Variants in RBM26 observed in about 807,000 individuals in gnomAD.
RBM26 encodes the protein RNA binding motif protein 26, also known as RNA-binding protein 26.
In RBM26, 30 loss-of-function variants were observed where a neutral mutation model predicts 123.6. The observed-to-expected ratio is 0.24, with a 90% CI of 0.18 to 0.33. The LOEUF is 0.33. Among genes scored for constraint, RBM26 ranks in the 10% least tolerant of loss-of-function variants. The pLI is 1.00. For missense variants in RBM26, 947 were observed against 1,203.6 expected (o/e 0.79, Z 3.15); for synonymous variants, 400 against 404.4 (o/e 0.99, Z 0.13).
intron 12 of RBM26, among the ~76,000 whole-genome samples, chr13:79,354,835 T>C (rs1446453644): frequency 6.6e-6 from 1 of 152,122 alleles, no homozygotes; most frequent in Non-Finnish European, 1.5e-5. Context: ...TATACCTCTA[T>C]AAACACTCTA....
At chr13:79,379,007 A>C in intron 1 of RBM26, 100 bp from the exon 2 acceptor site, 1 of 749,652 alleles carries the variant, frequency 1.3e-6, no homozygotes, top group Non-Finnish European at 2.2e-6. Flanking sequence ...TAAGTGAGTT[A>C]ATACATGTAA....
chr13:79,369,042 AAG>A (rs1566484724), intron 5 of RBM26, 52 bp from the exon 6 acceptor site: 1 of 1,182,352 alleles, frequency 8.5e-7, no homozygotes, highest in Non-Finnish European at 1.1e-6. Flanking sequence ...AAAAAAAAAA[AAG>A]TCCCAGATCT....
At chr13:79,359,789 AAT>A (rs59451742) in intron 9 of RBM26, 103 bp from the exon 10 acceptor site, 3,481 of 245,128 alleles carry the variant, frequency 0.014, 27 homozygotes, top group Non-Finnish European at 0.02. Context: ...CTTTTGTCTA[AAT>A]ATATATATAT....
chr13:79,317,663 T>G (rs2067275358), downstream of RBM26, among the ~76,000 whole-genome samples: 1 of 151,730 alleles, frequency 6.6e-6, no homozygotes, highest in Non-Finnish European at 1.5e-5. Context: ...CAACATTTAT[T>G]AGTCCAAAAT....
chr13:79,368,717 C>G lies in RBM26; in HGVS notation c.895+13G>C, dbSNP rs1566482262. ...ATTAATTAAATACTTTATCAAACAG[C>G]TGAAAGACTTACCATCATAGTCTCT... is the stretch of plus-strand genomic sequence containing the variant. On this transcript the variant is annotated intron_variant, in intron 6 of 21. Transcript: ENST00000438737. 2 of 1,608,712 alleles carry G rather than the reference C, an allele frequency of 1.2e-6. No homozygotes were observed. The highest frequency in any genetic ancestry group is 1.7e-6 in the Non-Finnish European group (2 of 1,176,158).
intron 6 of RBM26, among the ~76,000 whole-genome samples, chr13:79,367,204 C>T (rs534566346): frequency 2.3e-4 from 35 of 151,470 alleles, no homozygotes; most frequent in African/African-American, 8.0e-4. Flanking sequence ...GTCAGGAGTT[C>T]GAGACCAGCC....
At chr13:79,359,388 T>A (rs943328038) in intron 10 of RBM26, among the ~76,000 whole-genome samples, 187 bp downstream of exon 10, 3 of 152,214 alleles carry the variant, frequency 2.0e-5, no homozygotes, top group African/African-American at 7.2e-5. Flanking sequence ...ACACCATTTC[T>A]GTAAGAAAAT....
chr13:79,353,140 C>A lies in RBM26; in HGVS notation c.2058+13G>T. The A allele has an allele frequency of 6.5e-7, 1 of 1,540,614 alleles. No individual in the cohort carries two copies. On this transcript the variant is annotated intron_variant, in intron 14 of 21. Transcript: ENST00000438737. ...ATGAAGCCAAGACAAACACATCATGCTATTCTTCTTACCTTTTCAGTTGCT... is the reference window on the plus strand; with the variant it reads ...ATGAAGCCAAGACAAACACATCATGATATTCTTCTTACCTTTTCAGTTGCT...
Position 79,375,591 on chromosome 13 carries a change from C to T in RBM26, c.327+1788G>A, listed in dbSNP as rs558136563. Among the ~76,000 whole-genome samples, 14 of 152,150 alleles carry T rather than the reference C, an allele frequency of 9.2e-5. No homozygotes were observed. In the East Asian group the frequency reaches 1.9e-3, roughly 21 times the overall value. On this transcript the variant is annotated intron_variant, in intron 3 of 21. Transcript: ENST00000438737. ...AAGCAATTGCCAACACAATATACAC[C>T]GTCCCTTTCTTCCTAACAGAACCCT...
chr13:79,312,943 T>C (rs1200828896), exon 5 of RBM26: 1 of 151,950 alleles, frequency 6.6e-6, no homozygotes, highest in Non-Finnish European at 1.5e-5. Flanking sequence ...TTTTAAAGTA[T>C]GATTTATCTT....
chr13:79,371,709 C>G, intron 4 of RBM26, 133 bp downstream of exon 4: 1 of 635,954 alleles, frequency 1.6e-6, no homozygotes, highest in South Asian at 2.0e-5. Flanking sequence ...AGAAACGGAC[C>G]TAGTTATATT....
chr13:79,365,477 C>G, intron 9 of RBM26, 101 bp downstream of exon 9: 2 of 921,014 alleles, frequency 2.2e-6, no homozygotes, highest in Non-Finnish European at 3.4e-6. Flanking sequence ...ATCACCATTC[C>G]TTATCCAACC....
intron 17 of RBM26, 43 bp from the exon 18 acceptor site, chr13:79,341,270 T>G: frequency 8.0e-7 from 1 of 1,256,262 alleles, no homozygotes; most frequent in Non-Finnish European, 1.1e-6. Context: ...GTAATTACTA[T>G]CCTGTATTGA....
chr13:79,329,247 T>C (rs1159888863), intron 20 of RBM26, among the ~76,000 whole-genome samples: 2 of 152,096 alleles, frequency 1.3e-5, no homozygotes, highest in Non-Finnish European at 2.9e-5. Flanking sequence ...TATATGTGTA[T>C]GTATTAAAAA....
At position 79,341,338 on chromosome 13, in the gene RBM26, T is replaced by G. The variant is rs915262027; in HGVS notation, c.2428-111A>C. On this transcript the variant is annotated intron_variant, in intron 17 of 21. Coordinates refer to ENST00000438737, the MANE Select transcript of RBM26 (RefSeq NM_001366735.2). ...CCCATTTAATCCATATATTTCTATC[T>G]CCAGTATAATCACTCTAATCCAAGC... 35 of 609,304 alleles carry G rather than the reference T, an allele frequency of 5.7e-5. No homozygotes were observed. In the Middle Eastern group the frequency reaches 1.3e-3, roughly 23 times the overall value. 37.7% of individuals were successfully genotyped at this position (609,304 alleles called of 1,614,324 possible).
At chr13:79,314,818 T>C (rs1566262579), downstream of RBM26, 16 of 382,712 alleles carry the variant, frequency 4.2e-5, no homozygotes, top group Middle Eastern at 6.7e-4. Context: ...AGATGTACTC[T>C]TAGAGAACTG....
At chr13:79,359,218 T>G (rs117237264) in intron 10 of RBM26, among the ~76,000 whole-genome samples, 2 of 152,280 alleles carry the variant, frequency 1.3e-5, no homozygotes, top group Non-Finnish European at 2.9e-5. Flanking sequence ...TGCCTACATA[T>G]GAAAGTCTCT....
intron 20 of RBM26, among the ~76,000 whole-genome samples, chr13:79,329,607 G>A (rs2068977710): frequency 6.6e-6 from 1 of 151,996 alleles, no homozygotes; most frequent in Admixed American, 6.6e-5. Flanking sequence ...GAGCCAACCT[G>A]TAGTCTCCTG....
chr13:79,354,303 A>T, intron 13 of RBM26, 136 bp downstream of exon 13: 1 of 650,642 alleles, frequency 1.5e-6, no homozygotes, highest in Non-Finnish European at 2.2e-6. Context: ...AAACAACCTT[A>T]TAGGTGGGGT....
Sources: gnomAD v4.1 joint callset for allele counts (sites outside exome capture counted in the v4.1 genomes callset) on GRCh38, gnomAD v4.1.1 for gene constraint, MANE v1.5 for transcripts, NCBI Gene and HGNC (gene_info 2026-07-23, HGNC 2026-07-21) for gene names.